The following CDH13 variants were observed in gnomAD, a reference collection of about 807,000 sequenced individuals.
CDH13 encodes the protein cadherin 13, also known as cadherin-13.
In CDH13, 24 loss-of-function variants were observed where a neutral mutation model predicts 63.8. The ratio of observed to expected loss-of-function variants is 0.38; its 90% confidence interval spans 0.27 to 0.53. The LOEUF (loss-of-function observed/expected upper bound fraction) is 0.53, where lower values mean the gene tolerates loss of function less well. Ranked by LOEUF, CDH13 falls within the 20% of genes least tolerant of loss-of-function variation. The pLI is 0.85. For synonymous variants in CDH13, 503 were observed against 355.3 expected (o/e 1.42, Z -4.67); for missense variants, 1,049 against 903.1 (o/e 1.16, Z -2.07).
chr16:83,493,838 C>T (rs531474468), intron 7 of CDH13, among the ~76,000 whole-genome samples: 6 of 152,188 alleles, frequency 3.9e-5, no homozygotes, highest in African/African-American at 9.7e-5. Flanking sequence ...AAGGAGAGAT[C>T]GTCAGTGGCA....
chr16:83,451,162 G>A (rs575543939), intron 6 of CDH13, among the ~76,000 whole-genome samples: 3 of 152,142 alleles, frequency 2.0e-5, no homozygotes, highest in African/African-American at 7.2e-5. Context: ...CTGTTCTCAC[G>A]CTGCTAATAA....
intron 1 of CDH13, among the ~76,000 whole-genome samples, chr16:82,836,412 A>C (rs146819808): frequency 2.0e-5 from 3 of 152,296 alleles, no homozygotes; most frequent in East Asian, 3.9e-4. Context: ...GGCCTCCCAA[A>C]GTGCTAGGAT....
intron 10 of CDH13, among the ~76,000 whole-genome samples, chr16:83,726,694 C>G (rs1025735011): frequency 2.6e-5 from 4 of 152,204 alleles, no homozygotes; most frequent in Admixed American, 6.5e-5. Flanking sequence ...AAAAATTAGC[C>G]GAGCGTGGAG....
At chr16:83,504,037 G>T (rs1017363241) in intron 7 of CDH13, among the ~76,000 whole-genome samples, 3 of 152,010 alleles carry the variant, frequency 2.0e-5, no homozygotes, top group Non-Finnish European at 4.4e-5. Flanking sequence ...TGGGTTGATG[G>T]GTGCAGCAAA....
chr16:82,884,905 C>T (rs533546422), intron 2 of CDH13, among the ~76,000 whole-genome samples: 16 of 152,180 alleles, frequency 1.1e-4, no homozygotes, highest in Non-Finnish European at 2.2e-4. Flanking sequence ...TTTTTATTTT[C>T]TAGCCAGCTA....
rs768194671 is a variant in CDH13, at chr16:82,842,091, CATATATATATATATATATATGTATATAT to C, written c.46-16251_46-16224del. Among the ~76,000 whole-genome samples, 97 of 41,684 alleles carry C rather than the reference CATATATATATATATATATATGTATATAT, an allele frequency of 2.3e-3. 4 individuals carry two copies. The South Asian group carries it at 0.059, about 25-fold the overall frequency. 27.3% of individuals were successfully genotyped at this position (41,684 alleles called of 152,430 possible). A position where few individuals can be genotyped will look rare whatever the true frequency, so the allele number is the denominator to read the frequency against. On this transcript the variant is annotated intron_variant, in intron 1 of 13. Transcript: ENST00000567109. ...AAATCTGAGCCAGTCTTGCATTCTA[CATATATATATATATATATATGTATATAT>C]ATATATATATATATATATACACATA...
chr16:83,517,158 G>A lies in CDH13; in HGVS notation c.960+30503G>A, dbSNP rs189605655. ...TCTAGCATAAAAGGAAGCTCAACAG[G>A]GTGACTGTAAGAGGTTCCAGAGCAG... On this transcript the variant is annotated intron_variant, in intron 7 of 13. Coordinates refer to ENST00000567109, the MANE Select transcript of CDH13 (RefSeq NM_001257.5). Among the ~76,000 whole-genome samples the A allele has an allele frequency of 2.0e-4, 30 of 152,228 alleles. No individual in the cohort carries two copies. The East Asian group carries it at 5.2e-3, about 26-fold the overall frequency.
rs186015612 is a variant in CDH13, at chr16:82,866,225, C to G, written c.157+7752C>G. Among the ~76,000 whole-genome samples the G allele has an allele frequency of 6.6e-5, 10 of 152,190 alleles. No individual in the cohort carries two copies. In the East Asian group the frequency reaches 1.9e-3, roughly 29 times the overall value. Reference sequence around the variant, plus strand: ...AAGTTCCAAACTTTCCCACATCTTCCTGTCTTCCTCTGAGCCCTCTAAACT... The same window carrying G: ...AAGTTCCAAACTTTCCCACATCTTCGTGTCTTCCTCTGAGCCCTCTAAACT... On this transcript the variant is annotated intron_variant, in intron 2 of 13. Coordinates refer to ENST00000567109, the MANE Select transcript of CDH13 (RefSeq NM_001257.5).
chr16:82,908,568 A>C (rs1041548664), intron 2 of CDH13, among the ~76,000 whole-genome samples: 1 of 152,218 alleles, frequency 6.6e-6, no homozygotes, highest in Non-Finnish European at 1.5e-5. Context: ...CATTTTAAAT[A>C]GTTCAGAAAA....
chr16:83,200,304 G>C (rs970196565), intron 4 of CDH13, among the ~76,000 whole-genome samples: 2 of 152,160 alleles, frequency 1.3e-5, no homozygotes, highest in African/African-American at 4.8e-5. Flanking sequence ...GCTGAAATCT[G>C]TCCATTCCAT....
chr16:83,193,774 C>T (rs1377875678), intron 4 of CDH13, among the ~76,000 whole-genome samples: 1 of 152,158 alleles, frequency 6.6e-6, no homozygotes, highest in Non-Finnish European at 1.5e-5. Context: ...CATAGACAAG[C>T]CTAGATTTGA....
intron 3 of CDH13, among the ~76,000 whole-genome samples, chr16:83,054,087 C>G (rs1010842048): frequency 6.6e-6 from 1 of 152,118 alleles, no homozygotes; most frequent in South Asian, 2.1e-4. Context: ...GGTTTATAGC[C>G]TAGGAACAAT....
chr16:83,500,270 C>T (rs1195702827), intron 7 of CDH13, among the ~76,000 whole-genome samples: 2 of 3,248 alleles, frequency 6.2e-4, no homozygotes, highest in African/African-American at 7.9e-4. Context: ...TCTTCTTCTT[C>T]TTCTTCTTCT....
At chr16:83,414,323 A>G (rs1241244324) in intron 6 of CDH13, among the ~76,000 whole-genome samples, 1 of 152,214 alleles carries the variant, frequency 6.6e-6, no homozygotes, top group East Asian at 1.9e-4. Context: ...GTGCAATTTA[A>G]TCTTTTAAAG....
At chr16:83,232,209 C>CTTTT (rs1555516431) in intron 5 of CDH13, among the ~76,000 whole-genome samples, 8,281 of 68,794 alleles carry the variant, frequency 0.12, 914 homozygotes, top group African/African-American at 0.19. Context: ...AAAGTGTTTT[C>CTTTT]TTTTTTTTTT....
At chr16:83,333,558 C>T (rs969992342) in intron 5 of CDH13, among the ~76,000 whole-genome samples, 1 of 152,120 alleles carries the variant, frequency 6.6e-6, no homozygotes, top group Non-Finnish European at 1.5e-5. Flanking sequence ...AGATGGCATT[C>T]CAAGGTCACC....
At chr16:83,728,342 C>CGTGTGCGTGTGTGT (rs1555521384) in intron 10 of CDH13, among the ~76,000 whole-genome samples, 1 of 149,212 alleles carries the variant, frequency 6.7e-6, no homozygotes, top group Non-Finnish European at 1.5e-5. Context: ...TATGTGTGTG[C>CGTGTGCGTGTGTGT]GTGTGTGTGT....
At chr16:83,574,627 T>TCTC (rs1904940468) in intron 7 of CDH13, among the ~76,000 whole-genome samples, 1 of 152,216 alleles carries the variant, frequency 6.6e-6, no homozygotes, top group Non-Finnish European at 1.5e-5. Context: ...ATCACAGGGA[T>TCTC]GGCATTCCGT....
intron 1 of CDH13, among the ~76,000 whole-genome samples, chr16:82,813,254 G>T (rs548815263): frequency 6.6e-6 from 1 of 152,236 alleles, no homozygotes; most frequent in African/African-American, 2.4e-5. Context: ...AAAAAAATAA[G>T]GGTGTCATCC....
Sources: gnomAD v4.1 joint callset for allele counts (sites outside exome capture counted in the v4.1 genomes callset) on GRCh38, gnomAD v4.1.1 for gene constraint, MANE v1.5 for transcripts, NCBI Gene and HGNC (gene_info 2026-07-23, HGNC 2026-07-21) for gene names.